TBC1D8: variants seen among roughly 807,000 people sequenced by gnomAD.
The protein encoded by TBC1D8 is TBC1 domain family member 8, also known as BUB2-like protein 1.
A neutral mutation model predicts 118.8 loss-of-function variants in TBC1D8; 65 were observed. The observed-to-expected ratio is 0.55, with a 90% CI of 0.45 to 0.67. The LOEUF (loss-of-function observed/expected upper bound fraction) is 0.67. TBC1D8 is among the 30% of genes least tolerant of loss of function. The pLI, the probability that TBC1D8 is intolerant of heterozygous loss-of-function variation, is 0.00. For missense variants in TBC1D8, 1,376 were observed against 1,471.2 expected (o/e 0.94, Z 1.06); for synonymous variants, 566 against 595.8 (o/e 0.95, Z 0.73).
At chr2:101,012,052 T>C (rs1679256650) in intron 17 of TBC1D8, among the ~76,000 whole-genome samples, 1 of 152,234 alleles carries the variant, frequency 6.6e-6, no homozygotes, top group African/African-American at 2.4e-5. Flanking sequence ...AGCATCTTAG[T>C]ATTAGGAGTG....
intron 1 of TBC1D8, among the ~76,000 whole-genome samples, chr2:101,092,728 T>C (rs1225488297): frequency 1.3e-5 from 2 of 152,202 alleles, no homozygotes; most frequent in Non-Finnish European, 2.9e-5. Context: ...CATCTTGTAC[T>C]TTCACTACTC....
chr2:101,016,950 AG>A (rs1679693049), intron 17 of TBC1D8, among the ~76,000 whole-genome samples: 2 of 152,100 alleles, frequency 1.3e-5, no homozygotes, highest in African/African-American at 4.8e-5. Flanking sequence ...GGGGAGGGAT[AG>A]CATTAGGAGA....
chr2:101,065,773 CAAT>C lies in TBC1D8; in HGVS notation c.284-6237_284-6235del, dbSNP rs1682981059. ...AAACAGACAAACTTAATCTCTGCAA[CAAT>C]AAAATTAAAATAGCCTTTTAATTTA... On this transcript the variant is annotated intron_variant, in intron 2 of 19. Transcript: ENST00000409318. Among the ~76,000 whole-genome samples the C allele has an allele frequency of 3.3e-5, 5 of 152,020 alleles. No homozygotes were observed. In the South Asian group the frequency reaches 1.0e-3, roughly 31 times the overall value.
chr2:101,116,141 T>C (rs2104220208), intron 1 of TBC1D8, among the ~76,000 whole-genome samples: 1 of 152,352 alleles, frequency 6.6e-6, no homozygotes, highest in East Asian at 1.9e-4. Context: ...ACTTCATGTT[T>C]CCAAGTTTCT....
In TBC1D8 at chr2:101,029,775, C is replaced by T; in HGVS notation, c.1938G>A (p.Gly646=). 6.2e-7 allele frequency: 1 copy of T among 1,611,842 alleles called. No homozygotes were observed. The highest frequency in any genetic ancestry group is 8.5e-7 in the Non-Finnish European group (1 of 1,178,180). Residue 646 remains glycine (G), a splice_region_variant and synonymous_variant, in exon 12 of 20, where the codon GGG becomes GGA. Coordinates refer to ENST00000409318, the MANE Select transcript of TBC1D8 (RefSeq NM_001330348.2). ...CGAAGACAGACTGGTCAACTTGTGC[C>T]CCTGGAAAAGAAAGGGCACAGGGCT... ...LPDYFNHRVI[G]AQVDQSVFEE... is the part of the protein sequence containing the mutation.
At position 101,019,337 on chromosome 2, in the gene TBC1D8, C is replaced by T. The variant is rs555003997; in HGVS notation, c.2827+2344G>A. 3.1e-5 allele frequency: 8 copies of T among 258,406 alleles called. No homozygotes were observed. The South Asian group carries it at 4.4e-4, about 14-fold the overall frequency. The allele number at this position is 258,406 out of a possible 1,614,324, so 16.0% of individuals were successfully genotyped here. On this transcript the variant is annotated intron_variant, in intron 17 of 19. Coordinates refer to ENST00000409318, the MANE Select transcript of TBC1D8 (RefSeq NM_001330348.2). Reference sequence around the variant, plus strand: ...GATCTGTGATTGAAAACTTTCATTTCGTAACTAGTATGTCTGTCCCACCTT... The same window carrying T: ...GATCTGTGATTGAAAACTTTCATTTTGTAACTAGTATGTCTGTCCCACCTT...
rs191904849 is a variant in TBC1D8 at position 101,125,686 on chromosome 2, G to T, written c.127+25441C>A. ...ATAGTGTGAAATAGCTTGCAGAGAT[G>T]AGGTATAGACGCACCTTTATGGTGC... is the stretch of plus-strand genomic sequence containing the variant. On this transcript the variant is annotated intron_variant, in intron 1 of 19. Coordinates refer to ENST00000409318, the MANE Select transcript of TBC1D8 (RefSeq NM_001330348.2). Among the ~76,000 whole-genome samples the T allele has an allele frequency of 3.4e-4, 52 of 152,304 alleles. 1 individual carries two copies. In the East Asian group the frequency reaches 6.8e-3, roughly 20 times the overall value.
At position 101,029,494 on chromosome 2, in the gene TBC1D8, C is replaced by A; in HGVS notation, c.2219G>T (p.Ser740Ile). The change falls in exon 12 of 20, where the codon AGC becomes ATC. Residue 740 changes from serine to isoleucine, a missense_variant. Transcript: ENST00000409318. ...ACAGAGGTGCAGCGGGGCCCACCTGCTGAGGATCATCAAGGCCTGGCCATC... is the reference window on the plus strand; with the variant it reads ...ACAGAGGTGCAGCGGGGCCCACCTGATGAGGATCATCAAGGCCTGGCCATC... ...KDDGQALMIL[S>I]RFLDHIKNED... 1 of 1,611,360 alleles carries A rather than the reference C, an allele frequency of 6.2e-7. No individual in the cohort carries two copies. Among genetic ancestry groups the A allele is most frequent in the Non-Finnish European group, 8.5e-7 (1 of 1,177,992 alleles).
At chr2:101,018,578 ACATCCTTTAATG>A (rs1229545169) in intron 17 of TBC1D8, among the ~76,000 whole-genome samples, 1 of 152,218 alleles carries the variant, frequency 6.6e-6, no homozygotes, top group Non-Finnish European at 1.5e-5. Flanking sequence ...CATTTTAAGG[ACATCCTTTAATG>A]TGGATTCAGG....
rs528840522 is a variant in TBC1D8, at chr2:101,037,143, T to C, written c.1452+389A>G. On this transcript the variant is annotated intron_variant, in intron 8 of 19. Transcript: ENST00000409318. ...AAATATAGCAAAAATATTTCCAGTT[T>C]AGTAAAACTAGAAGACTGGTGACCT... is the stretch of plus-strand genomic sequence containing the variant. Among the ~76,000 whole-genome samples the C allele has an allele frequency of 6.6e-5, 10 of 152,250 alleles. No individual in the cohort carries two copies. In the South Asian group the frequency reaches 1.9e-3, roughly 28 times the overall value.
At chr2:101,059,225 T>C (rs1159140403) in intron 3 of TBC1D8, among the ~76,000 whole-genome samples, 196 bp downstream of exon 3, 2 of 151,898 alleles carry the variant, frequency 1.3e-5, no homozygotes, top group Non-Finnish European at 2.9e-5. Context: ...TTTTTTTTTT[T>C]TTTTTAACAT....
At position 101,021,696 on chromosome 2, in the gene TBC1D8, G is replaced by C. The variant is rs573588616; in HGVS notation, c.2812C>G (p.Leu938Val). The C allele has an allele frequency of 8.7e-6, 14 of 1,600,688 alleles. No homozygotes were observed. The South Asian group carries it at 1.3e-4, about 15-fold the overall frequency. Residue 938 changes from leucine to valine, a missense_variant, in exon 17 of 20, where the codon CTT (leucine) becomes GTT (valine). Physicochemically the swap from Leu to Val is conservative, Grantham distance 32. Coordinates refer to ENST00000409318, the MANE Select transcript of TBC1D8 (RefSeq NM_001330348.2). Reference protein sequence around the residue: ...MNEKIKLLYRLHIPPALTEND... With the variant: ...MNEKIKLLYRVHIPPALTEND... The stretch of plus-strand genomic sequence containing the variant: ...ACTTTCTTACCTGGAGGGATATGAA[G>C]CCTGTATAATAGTTTAATCTTCTCA...
intron 2 of TBC1D8, among the ~76,000 whole-genome samples, chr2:101,074,956 A>T (rs986897353): frequency 2.6e-5 from 4 of 152,154 alleles, no homozygotes; most frequent in African/African-American, 9.7e-5. Flanking sequence ...TACGCATCAT[A>T]TATCAGTTAA....
In TBC1D8 at chr2:101,122,383, CAAAAAAAAAAAAAA is replaced by C. The variant is rs70943064; in HGVS notation, c.127+28730_127+28743del. Among the ~76,000 whole-genome samples the C allele has an allele frequency of 6.0e-4, 43 of 71,944 alleles. 1 individual carries two copies. The highest frequency in any genetic ancestry group is 1.0e-3 in the East Asian group (2 of 1,914). 47.2% of individuals were successfully genotyped at this position (71,944 alleles called of 152,430 possible). A position where few individuals can be genotyped will look rare whatever the true frequency, so the allele number is the denominator to read the frequency against. On this transcript the variant is annotated intron_variant, in intron 1 of 19. Coordinates refer to ENST00000409318, the MANE Select transcript of TBC1D8 (RefSeq NM_001330348.2). ...ACCGCGCCCGGCCAAGACTCCATTT[CAAAAAAAAAAAAAA>C]AAAAAAAAAAAAAAGCATGGATAAT...
chr2:101,040,311 G>A lies in TBC1D8; in HGVS notation c.947C>T (p.Ala316Val), dbSNP rs774137261. Residue 316 changes from alanine to valine, a missense_variant, in exon 6 of 20, where the codon GCG (alanine) becomes GTG (valine). Coordinates refer to ENST00000409318, the MANE Select transcript of TBC1D8 (RefSeq NM_001330348.2). ...FRLPRKEKLH[A>V]VVDCSLWTPF... ...CGTCCAGAGCGAACAGTCCACAACCGCGTGCAGCTTCTCCTTCCTCGGCAA... is the reference window on the plus strand; with the variant it reads ...CGTCCAGAGCGAACAGTCCACAACCACGTGCAGCTTCTCCTTCCTCGGCAA... 9 of 1,613,998 alleles carry A rather than the reference G, an allele frequency of 5.6e-6. No individual in the cohort carries two copies. Among genetic ancestry groups the A allele is most frequent in the South Asian group, 4.4e-5 (4 of 91,074 alleles).
chr2:101,056,587 A>G (rs1682447743), intron 3 of TBC1D8, among the ~76,000 whole-genome samples: 1 of 152,208 alleles, frequency 6.6e-6, no homozygotes, highest in Non-Finnish European at 1.5e-5. Flanking sequence ...CCCACATTTC[A>G]TTTAACAAGA....
At chr2:101,082,898 G>C (rs1053279082) in intron 2 of TBC1D8, among the ~76,000 whole-genome samples, 3 of 152,166 alleles carry the variant, frequency 2.0e-5, no homozygotes, top group African/African-American at 4.8e-5. Flanking sequence ...CCACCAACCT[G>C]TACACTTAAA....
chr2:101,036,050 G>A lies in TBC1D8; in HGVS notation c.1571C>T (p.Ser524Phe). Residue 524 changes from serine (S) to phenylalanine (F), a missense_variant, in exon 9 of 20, where the codon TCT becomes TTT. Ser to Phe is a radical substitution (Grantham distance 155). Transcript: ENST00000409318. ...GAGAAGCCAGAGTCTCCCTCGCAAA[G>A]ATTCAGGGATGCCCATGGCTACGAG... is the stretch of plus-strand genomic sequence containing the variant. ...RKLVAMGIPE[S>F]LRGRLWLLFS... 6.2e-7 allele frequency: 1 copy of A among 1,614,038 alleles called. No homozygotes were observed. The highest frequency in any genetic ancestry group is 1.1e-5 in the South Asian group (1 of 91,078).
chr2:101,060,749 C>T (rs1431585106), intron 2 of TBC1D8, among the ~76,000 whole-genome samples: 1 of 152,158 alleles, frequency 6.6e-6, no homozygotes, highest in African/African-American at 2.4e-5. Flanking sequence ...GGCACGTGGG[C>T]ATCAGGTGTT....
Sources: gnomAD v4.1 joint callset for allele counts (sites outside exome capture counted in the v4.1 genomes callset) on GRCh38, gnomAD v4.1.1 for gene constraint, MANE v1.5 for transcripts, NCBI Gene and HGNC (gene_info 2026-07-23, HGNC 2026-07-21) for gene names.